CADM2: variants seen among roughly 807,000 people sequenced by gnomAD.
CADM2 encodes the protein cell adhesion molecule 2.
CADM2 carries 12 observed loss-of-function variants against 49.8 expected under a neutral mutation model. The ratio of observed to expected loss-of-function variants is 0.24; its 90% CI spans 0.15 to 0.39. The LOEUF (loss-of-function observed/expected upper bound fraction) is 0.39, where lower values mean the gene tolerates loss of function less well. Ranked by LOEUF, CADM2 falls within the 10% of genes least tolerant of loss-of-function variation. The probability of loss-of-function intolerance (pLI) is 1.00; values close to 1 mark genes in which losing one functional copy is unlikely to be tolerated. For missense variants in CADM2, 378 were observed against 492.3 expected (o/e 0.77, Z 2.20); for synonymous variants, 214 against 175.4 (o/e 1.22, Z -1.74).
chr3:85,533,866 A>C (rs1576740967), intron 1 of CADM2, among the ~76,000 whole-genome samples: 1 of 152,158 alleles, frequency 6.6e-6, no homozygotes, highest in African/African-American at 2.4e-5. Flanking sequence ...AATTTGGAGT[A>C]AGTCTTTAAA....
At chr3:85,338,011 G>T (rs998833422) in intron 1 of CADM2, among the ~76,000 whole-genome samples, 1 of 151,596 alleles carries the variant, frequency 6.6e-6, no homozygotes, top group African/African-American at 2.4e-5. Flanking sequence ...ACTGCCTTAA[G>T]CATCATTGCC....
intron 1 of CADM2, among the ~76,000 whole-genome samples, chr3:85,548,349 A>G (rs971611527): frequency 4.0e-5 from 6 of 149,442 alleles, no homozygotes; most frequent in African/African-American, 1.2e-4. Context: ...ATAACATGCC[A>G]TAGTCTAAGA....
chr3:85,509,570 A>C (rs942302053), intron 1 of CADM2, among the ~76,000 whole-genome samples: 3 of 152,128 alleles, frequency 2.0e-5, no homozygotes, highest in African/African-American at 7.2e-5. Flanking sequence ...ATTATACCTC[A>C]TGTCTGTAAT....
chr3:85,857,637 G>C (rs1357518416), intron 3 of CADM2, among the ~76,000 whole-genome samples: 1 of 152,088 alleles, frequency 6.6e-6, no homozygotes, highest in East Asian at 1.9e-4. Flanking sequence ...CACTGTGTAG[G>C]TGTTCTTGGT....
At chr3:85,894,142 A>T (rs575421995) in intron 5 of CADM2, among the ~76,000 whole-genome samples, 99 of 152,362 alleles carry the variant, frequency 6.5e-4, no homozygotes, top group African/African-American at 2.4e-3. Flanking sequence ...TGTGGCACAT[A>T]TACACCATAG....
At chr3:85,402,766 T>A (rs2035178122) in intron 1 of CADM2, among the ~76,000 whole-genome samples, 2 of 152,128 alleles carry the variant, frequency 1.3e-5, no homozygotes, top group Non-Finnish European at 2.9e-5. Context: ...GAAGCTATAA[T>A]CAAAAACTGT....
intron 3 of CADM2, among the ~76,000 whole-genome samples, chr3:85,815,972 T>C (rs2073178451): frequency 6.6e-6 from 1 of 152,140 alleles, no homozygotes; most frequent in Non-Finnish European, 1.5e-5. Flanking sequence ...CCTTAGTATG[T>C]AAAAGAAAAT....
chr3:85,600,669 G>A (rs1310217353), intron 1 of CADM2, among the ~76,000 whole-genome samples: 2 of 151,074 alleles, frequency 1.3e-5, no homozygotes, highest in Non-Finnish European at 3.0e-5. Flanking sequence ...TTTTAAATAC[G>A]GTTAACTTTC....
At chr3:84,959,817 A>G in intron 1 of CADM2, 149 bp downstream of exon 1, 1 of 742,558 alleles carries the variant, frequency 1.3e-6, no homozygotes, top group East Asian at 2.7e-5. Context: ...GGCAGGGGGC[A>G]GTGGCAGTTT....
chr3:85,620,280 G>A (rs1196346367), intron 1 of CADM2, among the ~76,000 whole-genome samples: 1 of 151,794 alleles, frequency 6.6e-6, no homozygotes, highest in African/African-American at 2.4e-5. Context: ...TCATTATTTG[G>A]CTTATATTTC....
At chr3:85,815,372 CAGCA>C (rs1330368066) in intron 3 of CADM2, among the ~76,000 whole-genome samples, 3 of 152,098 alleles carry the variant, frequency 2.0e-5, no homozygotes, top group Non-Finnish European at 2.9e-5. Flanking sequence ...CTGTATCCAG[CAGCA>C]CATCAAAAAG....
chr3:85,260,566 T>G (rs1005864705), intron 1 of CADM2, among the ~76,000 whole-genome samples: 14 of 152,170 alleles, frequency 9.2e-5, no homozygotes, highest in African/African-American at 3.1e-4. Flanking sequence ...ACATGAGTAC[T>G]CCATGAAATA....
Position 85,852,391 on chromosome 3 carries a change from C to A in CADM2, c.239-30900C>A, listed in dbSNP as rs77528176. On this transcript the variant is annotated intron_variant, in intron 3 of 9. Transcript: ENST00000383699. ...AAGACTGATAGCTGGTAGCAAAGAT[C>A]TTGTCTTAATCTTCTTTCAGATCCT... Among the ~76,000 whole-genome samples the A allele has an allele frequency of 1.4e-4, 22 of 152,086 alleles. No homozygotes were observed. In the East Asian group the frequency reaches 4.1e-3, roughly 28 times the overall value.
intron 1 of CADM2, among the ~76,000 whole-genome samples, chr3:85,412,853 TC>T (rs1160112556): frequency 6.6e-6 from 1 of 152,058 alleles, no homozygotes; most frequent in Non-Finnish European, 1.5e-5. Context: ...TTATGAATTT[TC>T]CTTATTAAAA....
intron 1 of CADM2, among the ~76,000 whole-genome samples, chr3:85,199,368 T>TGAGAGAGAGAG (rs1553694522): frequency 3.5e-5 from 4 of 115,186 alleles, no homozygotes; most frequent in African/African-American, 2.2e-4. Context: ...TGTGTGTGTG[T>TGAGAGAGAGAG]ATGAGAGAGA....
At chr3:84,969,477 GT>G (rs1278794132) in intron 1 of CADM2, among the ~76,000 whole-genome samples, 9 of 150,106 alleles carry the variant, frequency 6.0e-5, no homozygotes, top group African/African-American at 2.2e-4. Context: ...TATTATTATA[GT>G]ATTTTGACTA....
intron 1 of CADM2, among the ~76,000 whole-genome samples, chr3:85,368,644 C>G (rs75831523): frequency 6.6e-6 from 1 of 151,670 alleles, no homozygotes; most frequent in African/African-American, 2.4e-5. Context: ...TTTTAAAACA[C>G]AAATATCTTC....
intron 1 of CADM2, among the ~76,000 whole-genome samples, chr3:85,361,273 A>C (rs1419690346): frequency 6.6e-6 from 1 of 152,198 alleles, no homozygotes; most frequent in Non-Finnish European, 1.5e-5. Context: ...TAATATTTTC[A>C]TGGAAACAAG....
At chr3:85,051,828 G>T (rs2035893453) in intron 1 of CADM2, among the ~76,000 whole-genome samples, 1 of 152,120 alleles carries the variant, frequency 6.6e-6, no homozygotes, top group African/African-American at 2.4e-5. Flanking sequence ...GGGGCATTGG[G>T]CCTGGGGGGA....
Sources: gnomAD v4.1 joint callset for allele counts (sites outside exome capture counted in the v4.1 genomes callset) on GRCh38, gnomAD v4.1.1 for gene constraint, MANE v1.5 for transcripts, NCBI Gene and HGNC (gene_info 2026-07-23, HGNC 2026-07-21) for gene names.